The following SP1 variants were observed in gnomAD, a reference collection of about 807,000 sequenced individuals.
SP1 encodes transcription factor Sp1.
In SP1, 6 loss-of-function variants were observed where a neutral mutation model predicts 66.3. The ratio of observed to expected loss-of-function variants is 0.09; its 90% confidence interval spans 0.05 to 0.18. The LOEUF (loss-of-function observed/expected upper bound fraction) is 0.18. Among genes scored for constraint, SP1 ranks in the 10% least tolerant of loss-of-function variants. The probability of loss-of-function intolerance (pLI) is 1.00; values close to 1 mark genes in which losing one functional copy is unlikely to be tolerated. For missense variants in SP1, 848 were observed against 964.5 expected (o/e 0.88, Z 1.60); for synonymous variants, 417 against 360.8 (o/e 1.16, Z -1.77).
chr12:53,380,744 G>GC (rs1249863999), intron 1 of SP1: 5 of 538,950 alleles, frequency 9.3e-6, no homozygotes, highest in South Asian at 9.1e-5. Flanking sequence ...CTTCCCCCCC[G>GC]CCCCCCACCG....
At chr12:53,399,315 A>ATTTTTGTT (rs1938555049) in intron 3 of SP1, among the ~76,000 whole-genome samples, 1 of 142,354 alleles carries the variant, frequency 7.0e-6, no homozygotes, top group East Asian at 2.0e-4. Flanking sequence ...TGCCCAGCTA[A>ATTTTTGTT]TTTTTGTTTT....
chr12:53,409,501 T>C lies in SP1; in HGVS notation c.1984T>C (p.Tyr662His). Reference protein sequence around the residue: ...GERPFMCTWSYCGKRFTRSDE... With the variant: ...GERPFMCTWSHCGKRFTRSDE... ...GAGGCCATTTATGTGTACCTGGTCATACTGTGGGAAACGCTTCACACGTTC... is the reference window on the plus strand; with the variant it reads ...GAGGCCATTTATGTGTACCTGGTCACACTGTGGGAAACGCTTCACACGTTC... Residue 662 changes from tyrosine (Y) to histidine (H), a missense_variant, in exon 5 of 6, where the codon TAC becomes CAC. Physicochemically the swap from Tyr to His is moderately conservative, Grantham distance 83 (BLOSUM62 2). Around this residue, in one of 7 missense-constraint regions of SP1, gnomAD observed 39 missense variants for 124.2 expected, o/e 0.31. Coordinates refer to ENST00000327443, the MANE Select transcript of SP1 (RefSeq NM_138473.3). 5 of 1,614,186 alleles carry C rather than the reference T, an allele frequency of 3.1e-6. No individual in the cohort carries two copies. Among genetic ancestry groups the C allele is most frequent in the Non-Finnish European group, 4.2e-6 (5 of 1,180,034 alleles).
In SP1 at chr12:53,414,126, A is replaced by T. The variant is rs1252195349; in HGVS notation, c.*2886A>T. 9.8e-6 allele frequency: 1 copy of T among 101,844 alleles called. No homozygotes were observed. The highest frequency in any genetic ancestry group is 3.9e-5 in the African/African-American group (1 of 25,850). 6.3% of individuals were successfully genotyped at this position (101,844 alleles called of 1,614,324 possible). A position where few individuals can be genotyped will look rare whatever the true frequency, so the allele number is the denominator to read the frequency against. On this transcript the variant is annotated 3_prime_UTR_variant, in exon 6 of 6. Coordinates refer to ENST00000327443, the MANE Select transcript of SP1 (RefSeq NM_138473.3). ...GTTTCCCTGAACTTTTGGCTAACAG[A>T]AATTAATTTAACTGACATGCATATT...
chr12:53,386,479 C>CTTTTTTT (rs372557385), intron 3 of SP1, among the ~76,000 whole-genome samples: 9 of 121,256 alleles, frequency 7.4e-5, no homozygotes, highest in Admixed American at 1.8e-4. Context: ...TAGACTGTAT[C>CTTTTTTT]TTTTTTTTTT....
chr12:53,381,959 A>C, intron 2 of SP1, 146 bp downstream of exon 2: 1 of 813,190 alleles, frequency 1.2e-6, no homozygotes, highest in Non-Finnish European at 1.7e-6. Flanking sequence ...CCCCAAAGAC[A>C]AAGGAGTTTC....
intron 3 of SP1, among the ~76,000 whole-genome samples, chr12:53,403,780 A>G (rs2136913627): frequency 6.6e-6 from 1 of 152,268 alleles, no homozygotes; most frequent in South Asian, 2.1e-4. Context: ...TAATGTCTAT[A>G]ATCACAACAG....
rs1215309420 is a variant in SP1, at chr12:53,400,317, T to C, written c.1676-6268T>C. ...TTCAATTAGCATAATATTTCCAAGG[T>C]TCATCCATGTTGTAGCATGTGTTAG... On this transcript the variant is annotated intron_variant, in intron 3 of 5. Coordinates refer to ENST00000327443, the MANE Select transcript of SP1 (RefSeq NM_138473.3). 3.9e-5 allele frequency among the ~76,000 whole-genome samples: 6 copies of C among 152,298 alleles called. 1 individual carries two copies. Among genetic ancestry groups the C allele is most frequent in the African/African-American group, 1.4e-4 (6 of 41,536 alleles).
In SP1 at chr12:53,416,232, C is replaced by G. The variant is rs186269389; in HGVS notation, c.*4992C>G. ...CTCTCATCTTGTTCTTCCCCCTCAC[C>G]CCCCACTCTTAGGTATGTATGATGC... On this transcript the variant is annotated 3_prime_UTR_variant, in exon 6 of 6. Coordinates refer to ENST00000327443, the MANE Select transcript of SP1 (RefSeq NM_138473.3). 765 of 153,136 alleles carry G rather than the reference C, an allele frequency of 5.0e-3. 4 individuals carry two copies. Among genetic ancestry groups the G allele is most frequent in the Middle Eastern group, 0.02 (6 of 296 alleles). 9.5% of individuals were successfully genotyped at this position (153,136 alleles called of 1,614,324 possible). A position where few individuals can be genotyped will look rare whatever the true frequency, so the allele number is the denominator to read the frequency against.
chr12:53,406,667 A>G lies in SP1; in HGVS notation c.1758A>G (p.Glu586=). The G allele has an allele frequency of 1.2e-6, 2 of 1,614,120 alleles. No individual in the cohort carries two copies. The highest frequency in any genetic ancestry group is 1.7e-6 in the Non-Finnish European group (2 of 1,180,016). Residue 586 remains glutamate, a synonymous_variant, in exon 4 of 6, where the codon GAA becomes GAG. Coordinates refer to ENST00000327443, the MANE Select transcript of SP1 (RefSeq NM_138473.3). ...HDDTAGGEEG[E]NSPDAQPQAG... ...ACACAGCAGGTGGAGAGGAAGGAGA[A>G]AACAGCCCAGATGCCCAACCCCAAG...
chr12:53,407,794 G>A (rs542833239), intron 4 of SP1, among the ~76,000 whole-genome samples: 4 of 151,020 alleles, frequency 2.6e-5, no homozygotes, highest in African/African-American at 7.3e-5. Flanking sequence ...CCGCCACCTC[G>A]CCCAGCTAAT....
At chr12:53,400,891 A>G (rs1016012291) in intron 3 of SP1, among the ~76,000 whole-genome samples, 3 of 151,062 alleles carry the variant, frequency 2.0e-5, no homozygotes, top group Non-Finnish European at 4.4e-5. Context: ...CCTCCTGAGT[A>G]GCTGGTACTA....
chr12:53,390,398 G>A (rs983904218), intron 3 of SP1, among the ~76,000 whole-genome samples: 1 of 151,972 alleles, frequency 6.6e-6, no homozygotes, highest in Non-Finnish European at 1.5e-5. Flanking sequence ...AGTGCTTTGA[G>A]GGGGCTGGGT....
chr12:53,404,090 G>A (rs1938672839), intron 3 of SP1, among the ~76,000 whole-genome samples: 1 of 151,684 alleles, frequency 6.6e-6, no homozygotes, highest in South Asian at 2.1e-4. Flanking sequence ...AGAATGGCGT[G>A]AACCTGGGAG....
At chr12:53,387,365 A>C (rs1938253070) in intron 3 of SP1, among the ~76,000 whole-genome samples, 1 of 152,228 alleles carries the variant, frequency 6.6e-6, no homozygotes, top group Admixed American at 6.6e-5. Flanking sequence ...ATAGGCAACC[A>C]TATTTCCTGC....
chr12:53,392,513 C>T (rs1938376614), intron 3 of SP1, among the ~76,000 whole-genome samples: 2 of 151,168 alleles, frequency 1.3e-5, no homozygotes, highest in African/African-American at 2.4e-5. Context: ...CCCGCCACTA[C>T]GCCCGGCTAA....
intron 3 of SP1, among the ~76,000 whole-genome samples, chr12:53,405,991 TATA>T (rs1455138705): frequency 4.0e-5 from 4 of 100,636 alleles, no homozygotes; most frequent in African/African-American, 1.0e-4. Flanking sequence ...AAACTTAAAG[TATA>T]ATAATAAAAA....
intron 5 of SP1, 140 bp from the exon 6 acceptor site, chr12:53,410,787 C>T: frequency 1.4e-6 from 1 of 697,636 alleles, no homozygotes; most frequent in Non-Finnish European, 2.5e-6. Flanking sequence ...GCCACCACGC[C>T]CAGCCACTTG....
intron 3 of SP1, among the ~76,000 whole-genome samples, chr12:53,386,650 C>A (rs1441467464): frequency 1.3e-5 from 2 of 151,886 alleles, no homozygotes; most frequent in African/African-American, 2.4e-5. Context: ...TGCCACCATG[C>A]CCGCCTAATT....
At position 53,412,151 on chromosome 12, in the gene SP1, C is replaced by T. The variant is rs182907895; in HGVS notation, c.*911C>T. 20 of 152,290 alleles carry T rather than the reference C, an allele frequency of 1.3e-4. No homozygotes were observed. Among genetic ancestry groups the T allele is most frequent in the African/African-American group, 4.8e-4 (20 of 41,550 alleles). The allele number at this position is 152,290 out of a possible 1,614,324, so 9.4% of individuals were successfully genotyped here. On this transcript the variant is annotated 3_prime_UTR_variant, in exon 6 of 6. Coordinates refer to ENST00000327443, the MANE Select transcript of SP1 (RefSeq NM_138473.3). The stretch of plus-strand genomic sequence containing the variant: ...ACTACTGACGCAGGCACCTTCTTGG[C>T]GCTGGAGAGTCAAAGGCATCTCCCT...
Sources: gnomAD v4.1 joint callset for allele counts (sites outside exome capture counted in the v4.1 genomes callset) on GRCh38, gnomAD v4.1.1 for gene constraint, gnomAD v4.1.1 regional missense constraint, MANE v1.5 for transcripts, NCBI Gene and HGNC (gene_info 2026-07-23, HGNC 2026-07-21) for gene names.